Variants in KIF27 observed in about 807,000 individuals in gnomAD.
KIF27 encodes kinesin family member 27, also known as kinesin-like protein KIF27.
Under a neutral mutation model 141.8 loss-of-function variants are expected in KIF27, and 84 were observed. That is an observed-to-expected ratio of 0.59 (90% CI 0.50 to 0.71). KIF27 has a LOEUF of 0.71. Ranked by LOEUF, KIF27 falls within the 30% of genes least tolerant of loss-of-function variation. The pLI is 0.00. For missense variants in KIF27, 1,306 were observed against 1,628.4 expected, an observed-to-expected ratio of 0.80 and a Z score of 3.41; for synonymous variants, 471 against 569.5, an observed-to-expected ratio of 0.83 and a Z score of 2.46.
chr9:83,864,933 CCTT>C (rs1338385295), intron 13 of KIF27, among the ~76,000 whole-genome samples: 2 of 152,254 alleles, frequency 1.3e-5, no homozygotes, highest in East Asian at 1.9e-4. Context: ...TATGTAATGG[CCTT>C]CTTTATCTCT....
chr9:83,916,292 C>T (rs894065866), intron 1 of KIF27, among the ~76,000 whole-genome samples: 1 of 152,178 alleles, frequency 6.6e-6, no homozygotes, highest in Non-Finnish European at 1.5e-5. Context: ...CTCGGCCTCC[C>T]AAGTGCCAGG....
At chr9:83,890,707 A>G (rs1448844434) in intron 6 of KIF27, among the ~76,000 whole-genome samples, 2 of 152,192 alleles carry the variant, frequency 1.3e-5, no homozygotes, top group African/African-American at 2.4e-5. Context: ...TTCCCTTCAT[A>G]AAATGAGGAA....
chr9:83,885,120 C>T (rs182697511), intron 9 of KIF27, among the ~76,000 whole-genome samples: 23 of 152,142 alleles, frequency 1.5e-4, no homozygotes, highest in African/African-American at 5.3e-4. Context: ...TTAGACAGAG[C>T]CTCGCTCTGT....
chr9:83,865,790 A>T, intron 13 of KIF27, among the ~76,000 whole-genome samples: 1 of 152,030 alleles, frequency 6.6e-6, no homozygotes, highest in Admixed American at 6.6e-5. Flanking sequence ...TAATAGTGGC[A>T]TTCCTGAAAT....
intron 13 of KIF27, among the ~76,000 whole-genome samples, chr9:83,866,956 C>A (rs1384718539): frequency 3.3e-5 from 5 of 149,914 alleles, no homozygotes; most frequent in African/African-American, 1.2e-4. Flanking sequence ...TCACCCCCCC[C>A]CCAAAAAAAG....
In KIF27 at chr9:83,883,695, G is replaced by A. The variant is rs11140281; in HGVS notation, c.2445+118C>T. ...ACCAGCACACTACAAAAGAAAAGTT[G>A]ATACCCAGTTTCTCTTGCTGGTATA... On this transcript the variant is annotated intron_variant, in intron 10 of 17. Coordinates refer to ENST00000297814, the MANE Select transcript of KIF27 (RefSeq NM_017576.4). 8.5e-3 allele frequency: 5,559 copies of A among 653,422 alleles called. 139 individuals are homozygous for A. The highest frequency in any genetic ancestry group is 0.038 in the East Asian group (1,407 of 36,898). The allele number at this position is 653,422 out of a possible 1,614,324, so 40.5% of individuals were successfully genotyped here.
intron 9 of KIF27, among the ~76,000 whole-genome samples, chr9:83,885,949 G>GGT (rs548857412): frequency 4.8e-5 from 7 of 146,930 alleles, no homozygotes; most frequent in African/African-American, 1.7e-4. Flanking sequence ...TTTTTGTGTT[G>GGT]TTTTTTTTTT....
In KIF27 at chr9:83,903,139, A is replaced by C; in HGVS notation, c.1379T>G (p.Ile460Ser). Residue 460 changes from isoleucine to serine, a missense_variant, in exon 4 of 18, where the codon ATC becomes AGC. By Grantham distance (142) the Ile-to-Ser change is moderately radical. Coordinates refer to ENST00000297814, the MANE Select transcript of KIF27 (RefSeq NM_017576.4). ...RKAVLTSFRG[I>S]GGTASLEEGP... ...TTCTTCCAGACTTGCAGTGCCTCCG[A>C]TTCCTCGAAATGAGGTGAGGACAGC... 1 of 1,614,200 alleles carries C rather than the reference A, an allele frequency of 6.2e-7. No individual in the cohort carries two copies. The highest frequency in any genetic ancestry group is 8.5e-7 in the Non-Finnish European group (1 of 1,180,040).
At chr9:83,865,682 T>C (rs1950300394) in intron 13 of KIF27, among the ~76,000 whole-genome samples, 3 of 152,344 alleles carry the variant, frequency 2.0e-5, no homozygotes, top group East Asian at 3.9e-4. Context: ...TTTTACCACA[T>C]TGAGGATATT....
intron 13 of KIF27, among the ~76,000 whole-genome samples, chr9:83,867,419 A>G (rs1411305926): frequency 6.8e-6 from 1 of 147,358 alleles, no homozygotes; most frequent in African/African-American, 2.5e-5. Flanking sequence ...TCCATCCATT[A>G]ATCCACCCAC....
intron 5 of KIF27, among the ~76,000 whole-genome samples, chr9:83,895,836 T>A (rs765663667): frequency 4.0e-5 from 6 of 151,856 alleles, no homozygotes; most frequent in Non-Finnish European, 8.8e-5. Flanking sequence ...GGCAGGTAGA[T>A]CATTTGAGGT....
At chr9:83,879,126 C>T (rs1355420695) in intron 11 of KIF27, among the ~76,000 whole-genome samples, 4 of 148,596 alleles carry the variant, frequency 2.7e-5, no homozygotes, top group East Asian at 2.0e-4. Flanking sequence ...TGTGTTGAGC[C>T]GAGATCACAC....
At chr9:83,898,468 G>A (rs1182840733) in intron 5 of KIF27, among the ~76,000 whole-genome samples, 1 of 152,138 alleles carries the variant, frequency 6.6e-6, no homozygotes, top group Non-Finnish European at 1.5e-5. Context: ...TGATTACCAT[G>A]TAAGTCAAGA....
In KIF27 at chr9:83,850,225, G is replaced by A. The variant is rs370478477; in HGVS notation, c.3430C>T (p.Arg1144Trp). The stretch of plus-strand genomic sequence containing the variant: ...TCTAATTCACGAACCATATTATCCC[G>A]TTCCAGAACTTTCATTTTCATTTCT... Reference protein sequence around the residue: ...NEEMKMKVLERDNMVRELESA... With the variant: ...NEEMKMKVLEWDNMVRELESA... The change falls in exon 16 of 18, where the codon CGG (arginine) becomes TGG (tryptophan). Residue 1144 changes from arginine (R) to tryptophan (W), a missense_variant. Coordinates refer to ENST00000297814, the MANE Select transcript of KIF27 (RefSeq NM_017576.4). 121 of 1,613,074 alleles carry A rather than the reference G, an allele frequency of 7.5e-5. No individual in the cohort carries two copies. Among genetic ancestry groups the A allele is most frequent in the Non-Finnish European group, 8.6e-5 (102 of 1,179,216 alleles).
intron 17 of KIF27, among the ~76,000 whole-genome samples, chr9:83,841,416 C>T (rs539617563): frequency 6.6e-6 from 1 of 152,268 alleles, no homozygotes; most frequent in East Asian, 1.9e-4. Context: ...TTCATTGCTC[C>T]TCCATATTAT....
At chr9:83,843,135 AAGAAATATAC>A (rs1347131490) in intron 16 of KIF27, among the ~76,000 whole-genome samples, 1 of 148,242 alleles carries the variant, frequency 6.7e-6, no homozygotes, top group African/African-American at 2.5e-5. Context: ...TTATAGGCCC[AAGAAATATAC>A]AGCCAAAACC....
chr9:83,919,434 T>G (rs2132888546), intron 1 of KIF27, among the ~76,000 whole-genome samples: 1 of 152,328 alleles, frequency 6.6e-6, no homozygotes, highest in East Asian at 1.9e-4. Context: ...TGACAATGTT[T>G]GAGTGCAGAT....
intron 15 of KIF27, among the ~76,000 whole-genome samples, chr9:83,850,854 T>C (rs1179651429): frequency 1.5e-5 from 2 of 131,380 alleles, no homozygotes; most frequent in Non-Finnish European, 3.2e-5. Context: ...TTTTTTTTTT[T>C]TTTTGAGGAG....
rs1564342469 is a variant in KIF27 at position 83,870,556 on chromosome 9, C to A, written c.2720G>T (p.Arg907Met). The A allele has an allele frequency of 1.2e-6, 2 of 1,613,896 alleles. No homozygotes were observed. Among genetic ancestry groups the A allele is most frequent in the Non-Finnish European group, 1.7e-6 (2 of 1,179,854 alleles). The change falls in exon 12 of 18, where the codon AGG becomes ATG. Residue 907 changes from arginine to methionine, a missense_variant. By Grantham distance (91) the Arg-to-Met change is moderately conservative (BLOSUM62 -1). Coordinates refer to ENST00000297814, the MANE Select transcript of KIF27 (RefSeq NM_017576.4). ...AEDLDACNLK[R>M]RKGSFGSIDH... ...TATACTTCCAAACGAACCTTTTCTC[C>A]TTTTCAAGTTACATGCATCAAGGTC...
Sources: allele counts gnomAD v4.1 joint callset (sites outside exome capture counted in the v4.1 genomes callset), GRCh38; gene constraint gnomAD v4.1.1; transcripts MANE v1.5; gene names NCBI Gene and HGNC (gene_info 2026-07-23, HGNC 2026-07-21).